GAS2: variants seen among roughly 807,000 people sequenced by gnomAD.
The protein encoded by GAS2 is growth arrest-specific protein 2.
GAS2 carries 20 observed loss-of-function variants against 37.5 expected under a neutral mutation model. The ratio of observed to expected loss-of-function variants is 0.53; its 90% CI spans 0.37 to 0.77. The LOEUF is 0.77. GAS2 is among the 30% of genes least tolerant of loss of function. GAS2 has a pLI of 0.00. For missense variants in GAS2, 336 were observed against 373.4 expected, an observed-to-expected ratio of 0.90 and a Z score of 0.82; for synonymous variants, 144 against 132.2, an observed-to-expected ratio of 1.09 and a Z score of -0.61.
At chr11:22,768,810 T>C (rs1854828186) in intron 7 of GAS2, among the ~76,000 whole-genome samples, 1 of 152,208 alleles carries the variant, frequency 6.6e-6, no homozygotes, top group Middle Eastern at 3.2e-3. Flanking sequence ...GAATAGTCTT[T>C]CTAAGATCTC....
chr11:22,724,006 TTCCTCAAGGGCAA>T (rs1852070411), intron 3 of GAS2, among the ~76,000 whole-genome samples: 1 of 151,920 alleles, frequency 6.6e-6, no homozygotes, highest in Non-Finnish European at 1.5e-5. Flanking sequence ...ATCAATTCCC[TTCCTCAAGGGCAA>T]TTACTATCAA....
chr11:22,697,552 G>A (rs1285123933), intron 3 of GAS2, among the ~76,000 whole-genome samples: 2 of 152,138 alleles, frequency 1.3e-5, no homozygotes, highest in Admixed American at 6.5e-5. Context: ...CCATTTTCAC[G>A]ATACTGATTG....
chr11:22,630,207 C>A (rs192424235), intron 1 of GAS2, among the ~76,000 whole-genome samples: 34 of 152,244 alleles, frequency 2.2e-4, no homozygotes, highest in African/African-American at 5.8e-4. Flanking sequence ...CTTCCCCCAC[C>A]CCACAACAGG....
intron 6 of GAS2, 93 bp downstream of exon 6, chr11:22,749,354 C>T (rs749934947): frequency 1.8e-6 from 2 of 1,138,662 alleles, no homozygotes; most frequent in African/African-American, 1.6e-5. Flanking sequence ...CTAATCTTTA[C>T]CTATATCAAT....
At position 22,687,040 on chromosome 11, in the gene GAS2, C is replaced by T. The variant is rs971902281; in HGVS notation, c.267+1251C>T. On this transcript the variant is annotated intron_variant, in intron 3 of 7. Coordinates refer to ENST00000454584, the MANE Select transcript of GAS2 (RefSeq NM_001143830.3). The stretch of plus-strand genomic sequence containing the variant: ...GCATCTTTTAAAAAAATGCTGAGAG[C>T]TGGGCTGGATGTGGTGGCTCGTGAC... Among the ~76,000 whole-genome samples, 28 of 152,126 alleles carry T rather than the reference C, an allele frequency of 1.8e-4. 1 individual carries two copies. Among genetic ancestry groups the T allele is most frequent in the African/African-American group, 6.0e-4 (25 of 41,494 alleles).
At chr11:22,674,295 T>A (rs1849324550) in intron 1 of GAS2, among the ~76,000 whole-genome samples, 1 of 152,094 alleles carries the variant, frequency 6.6e-6, no homozygotes, top group Non-Finnish European at 1.5e-5. Flanking sequence ...GGTGTACCTC[T>A]TCCCCTGCTT....
At chr11:22,725,467 C>T (rs542323901) in intron 3 of GAS2, among the ~76,000 whole-genome samples, 24 of 152,232 alleles carry the variant, frequency 1.6e-4, no homozygotes, top group African/African-American at 4.1e-4. Context: ...CTCACTCTGT[C>T]ACCTGAGTTG....
intron 4 of GAS2, among the ~76,000 whole-genome samples, chr11:22,734,230 G>T (rs1485958103): frequency 6.6e-6 from 1 of 151,608 alleles, no homozygotes; most frequent in Non-Finnish European, 1.5e-5. Flanking sequence ...TAAAGGCAAG[G>T]TATTTGGTGT....
intron 1 of GAS2, among the ~76,000 whole-genome samples, chr11:22,629,996 A>C (rs1365770273): frequency 6.6e-6 from 1 of 152,094 alleles, no homozygotes; most frequent in African/African-American, 2.4e-5. Context: ...AAATGATGAG[A>C]GATAGGGATC....
At chr11:22,791,912 G>T (rs1856183798) in intron 7 of GAS2, among the ~76,000 whole-genome samples, 2 of 152,204 alleles carry the variant, frequency 1.3e-5, no homozygotes, top group Admixed American at 1.3e-4. Context: ...TATCAATGAG[G>T]AGTGAATATT....
intron 7 of GAS2, among the ~76,000 whole-genome samples, chr11:22,795,680 T>C (rs7120838): frequency 0.99 from 150,959 of 152,192 alleles, 74,877 homozygotes; most frequent in East Asian, 1. Context: ...AGTCCAGATC[T>C]TCTAGGAAAC....
At chr11:22,745,140 A>G (rs1590081708) in intron 5 of GAS2, among the ~76,000 whole-genome samples, 1 of 151,526 alleles carries the variant, frequency 6.6e-6, no homozygotes, top group Non-Finnish European at 1.5e-5. Flanking sequence ...AAAAGAAAGA[A>G]AAAAGCCCAA....
intron 3 of GAS2, among the ~76,000 whole-genome samples, chr11:22,719,220 G>A (rs1003740360): frequency 2.0e-5 from 3 of 151,968 alleles, no homozygotes; most frequent in Non-Finnish European, 4.4e-5. Context: ...GTGATACATT[G>A]TTATTAATAA....
intron 1 of GAS2, among the ~76,000 whole-genome samples, chr11:22,634,181 A>T (rs546461140): frequency 6.6e-6 from 1 of 152,280 alleles, no homozygotes; most frequent in East Asian, 1.9e-4. Context: ...CAAAGAGAGA[A>T]TGAGAGCCAA....
chr11:22,811,714 A>C, intron 7 of GAS2, 84 bp from the exon 8 acceptor site: 1 of 1,303,296 alleles, frequency 7.7e-7, no homozygotes, highest in Non-Finnish European at 1.1e-6. Flanking sequence ...AAACCAAAAC[A>C]CTAATTTCAC....
chr11:22,788,472 G>A (rs1349807575), intron 7 of GAS2, among the ~76,000 whole-genome samples: 2 of 152,176 alleles, frequency 1.3e-5, no homozygotes, highest in African/African-American at 4.8e-5. Context: ...AGATGCCAGT[G>A]TAAGCACTTG....
chr11:22,803,168 C>T (rs928572419), intron 7 of GAS2, among the ~76,000 whole-genome samples: 1 of 152,074 alleles, frequency 6.6e-6, no homozygotes, highest in Admixed American at 6.6e-5. Flanking sequence ...CAAAGTTCAA[C>T]TCTGTGAAGC....
chr11:22,789,425 GATATATAT>G (rs35755438), intron 7 of GAS2, among the ~76,000 whole-genome samples: 5 of 30,654 alleles, frequency 1.6e-4, no homozygotes, highest in African/African-American at 2.7e-4. Context: ...TCTCATATGA[GATATATAT>G]ATATATATAT....
chr11:22,709,011 GCC>G (rs1015507406), intron 3 of GAS2, among the ~76,000 whole-genome samples: 6 of 152,094 alleles, frequency 3.9e-5, no homozygotes, highest in Admixed American at 3.3e-4. Context: ...GAGACAGAGG[GCC>G]CATGGTAGTA....
Sources: gnomAD v4.1 joint callset for allele counts (sites outside exome capture counted in the v4.1 genomes callset) on GRCh38, gnomAD v4.1.1 for gene constraint, MANE v1.5 for transcripts, NCBI Gene and HGNC (gene_info 2026-07-23, HGNC 2026-07-21) for gene names.